Variants in PARD3 observed in about 807,000 individuals in gnomAD.
PARD3 encodes the protein par-3 family cell polarity regulator.
A neutral mutation model predicts 155.4 loss-of-function variants in PARD3; 75 were observed. The observed-to-expected ratio is 0.48, with a 90% CI of 0.40 to 0.58. PARD3 has a LOEUF of 0.58. PARD3 is among the 20% of genes least tolerant of loss of function. The pLI is 0.00. For missense variants in PARD3, 1,642 were observed against 1,721.7 expected, an observed-to-expected ratio of 0.95 and a Z score of 0.82; for synonymous variants, 576 against 610.5, an observed-to-expected ratio of 0.94 and a Z score of 0.83.
intron 7 of PARD3, among the ~76,000 whole-genome samples, chr10:34,395,966 C>T (rs1367226720): frequency 3.3e-5 from 5 of 152,042 alleles, no homozygotes; most frequent in Non-Finnish European, 5.9e-5. Flanking sequence ...GGTTGGAGGA[C>T]GAGCTAATTG....
intron 3 of PARD3, among the ~76,000 whole-genome samples, chr10:34,492,976 G>A (rs966954589): frequency 3.3e-5 from 5 of 152,194 alleles, no homozygotes; most frequent in Admixed American, 6.5e-5. Context: ...TTCCAAGAAC[G>A]AAAGTGTTTA....
At chr10:34,800,513 A>G (rs749616395) in intron 1 of PARD3, among the ~76,000 whole-genome samples, 4 of 152,062 alleles carry the variant, frequency 2.6e-5, no homozygotes, top group Non-Finnish European at 5.9e-5. Flanking sequence ...CGGGAGGCTG[A>G]GGCAGGAGAA....
At chr10:34,311,501 A>C (rs1957694925) in intron 20 of PARD3, among the ~76,000 whole-genome samples, 1 of 152,238 alleles carries the variant, frequency 6.6e-6, no homozygotes, top group Non-Finnish European at 1.5e-5. Flanking sequence ...ACAAGAGAGA[A>C]GGCTTCAAAC....
At chr10:34,485,433 A>T (rs1253449269) in intron 3 of PARD3, among the ~76,000 whole-genome samples, 1 of 152,214 alleles carries the variant, frequency 6.6e-6, no homozygotes, top group East Asian at 1.9e-4. Flanking sequence ...GTGATTTGTT[A>T]CAGCTTGATT....
chr10:34,305,717 G>A (rs1352935214), intron 20 of PARD3, among the ~76,000 whole-genome samples: 1 of 152,204 alleles, frequency 6.6e-6, no homozygotes, highest in African/African-American at 2.4e-5. Context: ...AGTGGTGCAC[G>A]CCTGCAATCC....
At chr10:34,427,556 C>T (rs1043091409) in intron 5 of PARD3, among the ~76,000 whole-genome samples, 2 of 152,128 alleles carry the variant, frequency 1.3e-5, no homozygotes, top group Admixed American at 6.5e-5. Flanking sequence ...ATTCTAGTTT[C>T]GCCCTGACCT....
chr10:34,276,792 A>G (rs1287930668), intron 21 of PARD3, among the ~76,000 whole-genome samples: 5 of 152,178 alleles, frequency 3.3e-5, no homozygotes, highest in Non-Finnish European at 2.9e-5. Flanking sequence ...TCTCAGTTAC[A>G]TACCAAATAC....
chr10:34,423,925 G>C (rs1303308084), intron 5 of PARD3, among the ~76,000 whole-genome samples: 1 of 152,136 alleles, frequency 6.6e-6, no homozygotes, highest in Non-Finnish European at 1.5e-5. Context: ...GAATTGAAAA[G>C]AAATCATGAA....
At chr10:34,669,696 G>C (rs1014976599) in intron 2 of PARD3, among the ~76,000 whole-genome samples, 5 of 151,962 alleles carry the variant, frequency 3.3e-5, no homozygotes, top group African/African-American at 1.2e-4. Context: ...AAATGAAAAG[G>C]AACTGGACCC....
Position 34,284,223 on chromosome 10 carries a change from C to G in PARD3, c.3088G>C (p.Asp1030His). The change falls in exon 21 of 25, where the codon GAC (aspartate) becomes CAC (histidine). Residue 1030 changes from aspartate (D) to histidine (H), a missense_variant. Coordinates refer to ENST00000374788, the MANE Select transcript of PARD3 (RefSeq NM_001184785.2). ...MFRFGKHRKD[D>H]KIEKTGKIKI... is the part of the protein sequence containing the mutation. Reference sequence around the variant, plus strand: ...ATTTTACCCGTTTTCTCAATCTTGTCATCTTTTCGATGTTTGCCAAACCTG... The same window carrying G: ...ATTTTACCCGTTTTCTCAATCTTGTGATCTTTTCGATGTTTGCCAAACCTG... The G allele has an allele frequency of 6.2e-7, 1 of 1,608,874 alleles. No homozygotes were observed. The highest frequency in any genetic ancestry group is 8.5e-7 in the Non-Finnish European group (1 of 1,177,396).
Position 34,382,762 on chromosome 10 carries a change from T to G in PARD3, c.1177A>C (p.Ser393Arg). The change falls in exon 9 of 25, where the codon AGT becomes CGT. Residue 393 changes from serine (S) to arginine (R), a missense_variant. Ser to Arg is a moderately radical substitution (Grantham distance 110, BLOSUM62 -1). Around this residue, in one of 3 missense-constraint regions of PARD3, gnomAD observed 1,529 missense variants for 1,587.3 expected, o/e 0.96. Transcript: ENST00000374788. ...GTGTGAAGCCCTGCACTGTTCACAC[T>G]CCTGTTGTCAATATACTGGCTGTCA... ...SPDSQYIDNR[S>R]VNSAGLHTVQ... 1 of 1,614,184 alleles carries G rather than the reference T, an allele frequency of 6.2e-7. No individual in the cohort carries two copies. Among genetic ancestry groups the G allele is most frequent in the East Asian group, 2.2e-5 (1 of 44,882 alleles).
chr10:34,273,245 T>C (rs1273224175), intron 21 of PARD3, among the ~76,000 whole-genome samples: 2 of 152,066 alleles, frequency 1.3e-5, no homozygotes, highest in Admixed American at 6.6e-5. Flanking sequence ...AATAGGTGAA[T>C]AGTTAAAAAC....
intron 5 of PARD3, among the ~76,000 whole-genome samples, chr10:34,415,929 T>C (rs754522275): frequency 3.3e-5 from 5 of 152,188 alleles, no homozygotes; most frequent in Non-Finnish European, 7.3e-5. Context: ...AGGGTAAAGA[T>C]GAGTAGGAGG....
intron 12 of PARD3, among the ~76,000 whole-genome samples, chr10:34,370,000 G>A (rs907027623): frequency 2.0e-5 from 3 of 152,078 alleles, no homozygotes; most frequent in Non-Finnish European, 4.4e-5. Flanking sequence ...CCATCAAAAG[G>A]TAGAAAGGCA....
rs200640462 is a variant in PARD3, at chr10:34,220,958, GGGAGAC to G, written c.3419+48693_3419+48698del. Among the ~76,000 whole-genome samples the G allele has an allele frequency of 1.1e-4, 17 of 152,296 alleles. No homozygotes were observed. In the East Asian group the frequency reaches 3.1e-3, roughly 28 times the overall value. ...TAGGAATGGGAGCAGGGCCACCTTT[GGGAGAC>G]GGACTGGCCACTTCAAATGGCCTGA... On this transcript the variant is annotated intron_variant, in intron 22 of 24. Coordinates refer to ENST00000374788, the MANE Select transcript of PARD3 (RefSeq NM_001184785.2).
chr10:34,482,103 T>C (rs2079121374), intron 3 of PARD3, among the ~76,000 whole-genome samples: 1 of 138,812 alleles, frequency 7.2e-6, no homozygotes, highest in South Asian at 2.3e-4. Context: ...GGCACCATCA[T>C]TGCTCACTGC....
At chr10:34,488,305 TTTTA>T (rs901819256) in intron 3 of PARD3, among the ~76,000 whole-genome samples, 4 of 151,906 alleles carry the variant, frequency 2.6e-5, no homozygotes, top group African/African-American at 7.2e-5. Context: ...TTTATTTTTA[TTTTA>T]TTTATTTATT....
At chr10:34,299,872 T>C (rs1957070469) in intron 20 of PARD3, among the ~76,000 whole-genome samples, 1 of 152,212 alleles carries the variant, frequency 6.6e-6, no homozygotes, top group Non-Finnish European at 1.5e-5. Context: ...GTCTACCTTT[T>C]TAAAAATAAT....
intron 14 of PARD3, among the ~76,000 whole-genome samples, chr10:34,358,636 C>T (rs972965535): frequency 3.3e-5 from 5 of 152,096 alleles, no homozygotes; most frequent in South Asian, 2.1e-4. Flanking sequence ...GAGGCTGCAG[C>T]GAGCTGTGAC....
Sources: gnomAD v4.1 joint callset for allele counts (sites outside exome capture counted in the v4.1 genomes callset) on GRCh38, gnomAD v4.1.1 for gene constraint, gnomAD v4.1.1 regional missense constraint, MANE v1.5 for transcripts, NCBI Gene and HGNC (gene_info 2026-07-23, HGNC 2026-07-21) for gene names.